Variants in DOCK5 observed in about 807,000 individuals in gnomAD.
DOCK5 encodes the protein dedicator of cytokinesis protein 5.
A neutral mutation model predicts 251.8 loss-of-function variants in DOCK5; 142 were observed. That is an observed-to-expected ratio of 0.56 (90% CI 0.49 to 0.65). The LOEUF (loss-of-function observed/expected upper bound fraction) is 0.65. Ranked by LOEUF, DOCK5 falls within the 30% of genes least tolerant of loss-of-function variation. The pLI is 0.00. For synonymous variants in DOCK5, 842 were observed against 835.5 expected (o/e 1.01, Z -0.13); for missense variants, 2,111 against 2,312.3 (o/e 0.91, Z 1.79).
chr8:25,313,515 T>C (rs1805154964), intron 13 of DOCK5, among the ~76,000 whole-genome samples: 2 of 152,258 alleles, frequency 1.3e-5, no homozygotes, highest in Admixed American at 1.3e-4. Context: ...CATATTCTGC[T>C]TCACCTCTAA....
chr8:25,337,723 C>T (rs1805851650), intron 22 of DOCK5, among the ~76,000 whole-genome samples: 2 of 151,456 alleles, frequency 1.3e-5, no homozygotes, highest in Admixed American at 6.6e-5. Flanking sequence ...GTAGCTGGGA[C>T]TACAGGTGCA....
At chr8:25,231,420 C>T (rs1396497800) in intron 1 of DOCK5, among the ~76,000 whole-genome samples, 1 of 152,160 alleles carries the variant, frequency 6.6e-6, no homozygotes, top group East Asian at 1.9e-4. Context: ...CAGATTACTA[C>T]ACTTGCACTT....
chr8:25,385,363 G>A (rs969433632), intron 40 of DOCK5, among the ~76,000 whole-genome samples: 5 of 152,200 alleles, frequency 3.3e-5, no homozygotes, highest in Non-Finnish European at 5.9e-5. Context: ...TCGGGACGTG[G>A]GGGTGGTGGC....
intron 18 of DOCK5, 122 bp downstream of exon 18, chr8:25,325,669 T>C (rs1805547327): frequency 2.6e-6 from 3 of 1,146,376 alleles, no homozygotes; most frequent in East Asian, 2.5e-5. Context: ...TGTTGGCCAA[T>C]TGGATTCTGC....
At chr8:25,401,543 GC>G (rs1391076757) in intron 47 of DOCK5, among the ~76,000 whole-genome samples, 15 of 152,104 alleles carry the variant, frequency 9.9e-5, no homozygotes. Context: ...GACCAGCCTG[GC>G]CAACATGGTG....
intron 34 of DOCK5, 74 bp from the exon 35 acceptor site, chr8:25,372,485 T>A: frequency 7.0e-7 from 1 of 1,433,230 alleles, no homozygotes; most frequent in Non-Finnish European, 9.2e-7. Flanking sequence ...GCTGAGACCC[T>A]GGTCAGTGCT....
chr8:25,256,890 C>CT (rs35214715), intron 2 of DOCK5, among the ~76,000 whole-genome samples: 7,773 of 142,888 alleles, frequency 0.054, 225 homozygotes, highest in South Asian at 0.087. Context: ...TTCTTCTTGA[C>CT]TTTTTTTTTT....
chr8:25,218,986 C>T (rs7016995), intron 1 of DOCK5, among the ~76,000 whole-genome samples: 8,263 of 152,224 alleles, frequency 0.054, 555 homozygotes, highest in African/African-American at 0.16. Flanking sequence ...ACTGATACTC[C>T]TTTTTAAAGA....
rs201899637 is a variant in DOCK5, at chr8:25,368,596, A to C, written c.3309A>C (p.Pro1103=). 3.1e-5 allele frequency: 50 copies of C among 1,611,060 alleles called. No individual in the cohort carries two copies. The Admixed American group carries it at 7.9e-4, about 26-fold the overall frequency. ...NLGPHKIKFI[P]SMVGPILEVT... ...GTCCCCACAAAATCAAATTCATCCC[A>C]TCCATGGTGGGTCCCATTCTGGAGG... Residue 1103 remains proline (P), a synonymous_variant, in exon 33 of 52, where the codon CCA becomes CCC. Transcript: ENST00000276440.
intron 2 of DOCK5, among the ~76,000 whole-genome samples, chr8:25,263,755 T>A (rs1010705108): frequency 8.6e-5 from 13 of 151,774 alleles, no homozygotes; most frequent in African/African-American, 3.2e-4. Context: ...CCCTGGGCTC[T>A]GACATGCCAT....
intron 13 of DOCK5, among the ~76,000 whole-genome samples, chr8:25,316,773 A>G (rs970678135): frequency 6.6e-6 from 1 of 152,188 alleles, no homozygotes; most frequent in Non-Finnish European, 1.5e-5. Flanking sequence ...ATAGAGAAAG[A>G]ATTACTACTT....
chr8:25,366,137 T>C (rs959197113), intron 30 of DOCK5, among the ~76,000 whole-genome samples: 2 of 152,256 alleles, frequency 1.3e-5, no homozygotes, highest in Admixed American at 1.3e-4. Context: ...TTAGATTGTT[T>C]CCATTTTCTA....
chr8:25,237,549 G>A (rs1236492072), intron 1 of DOCK5, among the ~76,000 whole-genome samples: 47 of 152,142 alleles, frequency 3.1e-4, no homozygotes, highest in Admixed American at 3.0e-3. Flanking sequence ...AAAAGAAAGA[G>A]CCAAATCAAA....
intron 10 of DOCK5, among the ~76,000 whole-genome samples, chr8:25,302,720 T>G (rs1043660359): frequency 2.6e-5 from 4 of 152,188 alleles, no homozygotes; most frequent in Non-Finnish European, 5.9e-5. Flanking sequence ...AATGGAATAA[T>G]ACTCGCCTTA....
rs1183866518 is a variant in DOCK5, at chr8:25,366,960, A to G, written c.3214A>G (p.Ile1072Val). 7 of 1,613,636 alleles carry G rather than the reference A, an allele frequency of 4.3e-6. No homozygotes were observed. The highest frequency in any genetic ancestry group is 5.9e-6 in the Non-Finnish European group (7 of 1,179,674). ...CTTCTCACAAGCCAAGCGCAACAAA[A>G]TTGTTAAAAAGTAAGTGTCCTTTTA... Reference protein sequence around the residue: ...ETFSQAKRNKIVKKYGDMRKE... With the variant: ...ETFSQAKRNKVVKKYGDMRKE... The change falls in exon 31 of 52, where the codon ATT (isoleucine) becomes GTT (valine). Residue 1072 changes from isoleucine (I) to valine (V), a missense_variant. Ile to Val is a conservative substitution (Grantham distance 29). Coordinates refer to ENST00000276440, the MANE Select transcript of DOCK5 (RefSeq NM_024940.8).
chr8:25,234,495 A>AT (rs978067085), intron 1 of DOCK5, among the ~76,000 whole-genome samples: 1 of 152,138 alleles, frequency 6.6e-6, no homozygotes, highest in Non-Finnish European at 1.5e-5. Context: ...TTGCTATCAG[A>AT]TTTTTTTCTG....
intron 1 of DOCK5, among the ~76,000 whole-genome samples, chr8:25,214,871 G>A (rs1802199679): frequency 6.6e-6 from 1 of 152,202 alleles, no homozygotes; most frequent in South Asian, 2.1e-4. Context: ...GACCAGATGG[G>A]ATGGCTAGAA....
At position 25,366,996 on chromosome 8, in the gene DOCK5, C is replaced by T. The variant is rs551066980; in HGVS notation, c.3224+26C>T. 8.9e-6 allele frequency: 14 copies of T among 1,577,040 alleles called. No individual in the cohort carries two copies. In the East Asian group the frequency reaches 9.0e-5, roughly 10 times the overall value. On this transcript the variant is annotated intron_variant, in intron 31 of 51. Transcript: ENST00000276440. Reference sequence around the variant, plus strand: ...GTAAGTGTCCTTTTAAAGTTAAGATCGGGAAGGGGCTTCTTCCATTTGTTT... The same window carrying T: ...GTAAGTGTCCTTTTAAAGTTAAGATTGGGAAGGGGCTTCTTCCATTTGTTT...
At chr8:25,225,705 C>CAA (rs1179458798) in intron 1 of DOCK5, among the ~76,000 whole-genome samples, 38 of 71,060 alleles carry the variant, frequency 5.3e-4, no homozygotes, top group African/African-American at 1.1e-3. Context: ...GACTCAGTCT[C>CAA]AAAAAAAAAA....
Sources: gnomAD v4.1 joint callset for allele counts (sites outside exome capture counted in the v4.1 genomes callset) on GRCh38, gnomAD v4.1.1 for gene constraint, MANE v1.5 for transcripts, NCBI Gene and HGNC (gene_info 2026-07-23, HGNC 2026-07-21) for gene names.